Variants in SPOCK3 observed in about 807,000 individuals in gnomAD.
SPOCK3 encodes the protein testican-3.
In SPOCK3, 30 loss-of-function variants were observed where a neutral mutation model predicts 56.6. That is an observed-to-expected ratio of 0.53 (90% CI 0.40 to 0.72). SPOCK3 has a LOEUF of 0.72. SPOCK3 is among the 30% of genes least tolerant of loss of function. The probability of loss-of-function intolerance (pLI) is 0.00; values close to 1 mark genes in which losing one functional copy is unlikely to be tolerated. For missense variants in SPOCK3, 527 were observed against 530.0 expected (o/e 0.99, Z 0.06); for synonymous variants, 196 against 183.3 (o/e 1.07, Z -0.56).
At chr4:167,077,889 C>T (rs963703492) in intron 2 of SPOCK3, among the ~76,000 whole-genome samples, 9 of 151,750 alleles carry the variant, frequency 5.9e-5, no homozygotes, top group Non-Finnish European at 4.4e-5. Context: ...AAAAAGGAGG[C>T]AACATGGAGA....
intron 3 of SPOCK3, among the ~76,000 whole-genome samples, chr4:167,031,257 A>G (rs901462641): frequency 1.3e-5 from 2 of 152,042 alleles, no homozygotes; most frequent in African/African-American, 4.8e-5. Flanking sequence ...TAGAATAACT[A>G]TATTTGTTAT....
At chr4:166,896,186 A>G (rs1735363732) in intron 5 of SPOCK3, among the ~76,000 whole-genome samples, 1 of 152,198 alleles carries the variant, frequency 6.6e-6, no homozygotes, top group South Asian at 2.1e-4. Context: ...GGAGAACCCT[A>G]CACACTTCTG....
intron 3 of SPOCK3, among the ~76,000 whole-genome samples, chr4:167,003,027 A>C (rs538706871): frequency 6.6e-6 from 1 of 152,164 alleles, no homozygotes; most frequent in East Asian, 1.9e-4. Context: ...ACTATAGTAC[A>C]TATAAAATTT....
intron 6 of SPOCK3, among the ~76,000 whole-genome samples, chr4:166,872,087 T>A (rs1732550519): frequency 6.7e-6 from 1 of 150,312 alleles, no homozygotes; most frequent in African/African-American, 2.4e-5. Flanking sequence ...TATATATATA[T>A]AATCTTAAGT....
chr4:166,781,079 A>T (rs562801715), intron 7 of SPOCK3, among the ~76,000 whole-genome samples: 10 of 152,306 alleles, frequency 6.6e-5, no homozygotes, highest in African/African-American at 2.4e-4. Context: ...AAGAAGAGGC[A>T]TCACTAATTC....
At chr4:166,906,887 A>G (rs1579606420) in intron 5 of SPOCK3, among the ~76,000 whole-genome samples, 1 of 152,048 alleles carries the variant, frequency 6.6e-6, no homozygotes, top group East Asian at 1.9e-4. Flanking sequence ...AATTAATAAC[A>G]TGGGCTCTGG....
chr4:167,203,257 G>A (rs1215929173), intron 2 of SPOCK3, among the ~76,000 whole-genome samples: 1 of 151,860 alleles, frequency 6.6e-6, no homozygotes, highest in Non-Finnish European at 1.5e-5. Flanking sequence ...TGTTAAAGAA[G>A]CAAACCACTT....
intron 4 of SPOCK3, among the ~76,000 whole-genome samples, chr4:166,946,444 C>T (rs1301607331): frequency 6.6e-6 from 1 of 152,216 alleles, no homozygotes; most frequent in Non-Finnish European, 1.5e-5. Flanking sequence ...TCTTGCTGTT[C>T]CATGAGCATG....
chr4:167,189,501 A>G (rs1450023149), intron 2 of SPOCK3, among the ~76,000 whole-genome samples: 3 of 145,422 alleles, frequency 2.1e-5, no homozygotes, highest in Non-Finnish European at 4.5e-5. Context: ...TTGAGGTACA[A>G]TAAATAAAAA....
At chr4:166,979,759 A>C (rs1746373938) in intron 4 of SPOCK3, among the ~76,000 whole-genome samples, 1 of 152,098 alleles carries the variant, frequency 6.6e-6, no homozygotes, top group Non-Finnish European at 1.5e-5. Flanking sequence ...ATCTCTCCTT[A>C]AATGTTCTCA....
Position 166,921,667 on chromosome 4 carries a change from A to G in SPOCK3, c.351-8924T>C, listed in dbSNP as rs184378374. On this transcript the variant is annotated intron_variant, in intron 4 of 10. Coordinates refer to ENST00000357545, the MANE Select transcript of SPOCK3 (RefSeq NM_001040159.2). ...AGGAGTAGGGGCAGACTCACTAGCC[A>G]AGGAACTGTTCTCCTGGAAATTGTA... 1.2e-3 allele frequency among the ~76,000 whole-genome samples: 176 copies of G among 152,286 alleles called. 1 individual carries two copies. Among genetic ancestry groups the G allele is most frequent in the Non-Finnish European group, 2.2e-3 (151 of 68,024 alleles).
chr4:167,176,927 G>A (rs909332657), intron 2 of SPOCK3, among the ~76,000 whole-genome samples: 59 of 152,096 alleles, frequency 3.9e-4, no homozygotes, highest in African/African-American at 1.4e-3. Flanking sequence ...CAAGGACTAT[G>A]TTTGTTCAAC....
intron 2 of SPOCK3, among the ~76,000 whole-genome samples, chr4:167,156,969 T>C (rs1319611319): frequency 1.3e-5 from 2 of 152,158 alleles, no homozygotes; most frequent in Non-Finnish European, 2.9e-5. Context: ...TACTGAAACC[T>C]GATCTGAAAT....
chr4:166,786,589 T>C (rs1020069241), intron 7 of SPOCK3, among the ~76,000 whole-genome samples: 1 of 152,192 alleles, frequency 6.6e-6, no homozygotes, highest in African/African-American at 2.4e-5. Context: ...ATAAAAGGTA[T>C]GTGATACTCA....
intron 2 of SPOCK3, among the ~76,000 whole-genome samples, chr4:167,108,222 T>C (rs1391011599): frequency 6.6e-6 from 1 of 151,820 alleles, no homozygotes; most frequent in African/African-American, 2.4e-5. Context: ...TAAATTACTA[T>C]AACCACTATG....
chr4:166,874,282 G>T (rs896566507), intron 6 of SPOCK3, among the ~76,000 whole-genome samples: 1 of 152,002 alleles, frequency 6.6e-6, no homozygotes, highest in Non-Finnish European at 1.5e-5. Context: ...GAGAATGAAC[G>T]CAAGCAAGAA....
chr4:166,803,268 A>G (rs1742809720), intron 6 of SPOCK3, among the ~76,000 whole-genome samples: 1 of 152,222 alleles, frequency 6.6e-6, no homozygotes, highest in Non-Finnish European at 1.5e-5. Flanking sequence ...ATTGATGTTC[A>G]CAAGTATTTC....
At chr4:166,873,817 G>T (rs1732764077) in intron 6 of SPOCK3, among the ~76,000 whole-genome samples, 1 of 152,070 alleles carries the variant, frequency 6.6e-6, no homozygotes, top group South Asian at 2.1e-4. Context: ...TTGGGGAAGG[G>T]TATAGAACTC....
At chr4:166,780,217 G>C (rs1740013118) in intron 7 of SPOCK3, among the ~76,000 whole-genome samples, 1 of 152,156 alleles carries the variant, frequency 6.6e-6, no homozygotes, top group African/African-American at 2.4e-5. Flanking sequence ...AGGATGGAAT[G>C]TGAACACTGG....
Sources: allele counts gnomAD v4.1 joint callset (sites outside exome capture counted in the v4.1 genomes callset), GRCh38; gene constraint gnomAD v4.1.1; transcripts MANE v1.5; gene names NCBI Gene and HGNC (gene_info 2026-07-23, HGNC 2026-07-21).